The following MMP2 variants were observed in gnomAD, a reference collection of about 807,000 sequenced individuals.
MMP2 encodes the protein matrix metallopeptidase 2, also known as 72 kDa type IV collagenase.
A neutral mutation model predicts 74.8 loss-of-function variants in MMP2; 39 were observed. That is an observed-to-expected ratio of 0.52 (90% CI 0.40 to 0.68). MMP2 has a LOEUF of 0.68. Among genes scored for constraint, MMP2 ranks in the 30% least tolerant of loss-of-function variants. The pLI is 0.00. For synonymous variants in MMP2, 367 were observed against 339.8 expected, an observed-to-expected ratio of 1.08 and a Z score of -0.88; for missense variants, 803 against 878.3, an observed-to-expected ratio of 0.91 and a Z score of 1.08.
Position 55,498,464 on chromosome 16 carries a change from G to A in MMP2, c.1769+16G>A. The A allele has an allele frequency of 6.2e-7, 1 of 1,614,082 alleles. No homozygotes were observed. The highest frequency in any genetic ancestry group is 8.5e-7 in the Non-Finnish European group (1 of 1,179,980). ...AATTCTGGAGGTAAGGGAGGGCGGT[G>A]GGTAGGACAGCAGCACAGTTGGCTG... On this transcript the variant is annotated intron_variant, in intron 11 of 12. Coordinates refer to ENST00000219070, the MANE Select transcript of MMP2 (RefSeq NM_004530.6).
Position 55,486,346 on chromosome 16 carries a change from C to CGTGTGTGT in MMP2, c.832+569_832+570insGTGTGTGT, listed in dbSNP as rs1555491716. Among the ~76,000 whole-genome samples, 66 of 43,786 alleles carry CGTGTGTGT rather than the reference C, an allele frequency of 1.5e-3. 1 individual carries two copies. Among genetic ancestry groups the CGTGTGTGT allele is most frequent in the African/African-American group, 3.5e-3 (54 of 15,286 alleles). 28.7% of individuals were successfully genotyped at this position (43,786 alleles called of 152,430 possible). A position where few individuals can be genotyped will look rare whatever the true frequency, so the allele number is the denominator to read the frequency against. ...GCGTGTGTGTGTGTGTGTGTGTGTG[C>CGTGTGTGT]CTGTGTGTGTGTGTGTGTGTGTGTG... On this transcript the variant is annotated intron_variant, in intron 5 of 12. Coordinates refer to ENST00000219070, the MANE Select transcript of MMP2 (RefSeq NM_004530.6).
chr16:55,488,795 G>C, intron 6 of MMP2, 79 bp downstream of exon 6: 1 of 1,446,858 alleles, frequency 6.9e-7, no homozygotes, highest in South Asian at 1.2e-5. Context: ...GACTCCGAGT[G>C]CCCACCTCCT....
At chr16:55,501,379 G>A (rs1213697404) in intron 11 of MMP2, among the ~76,000 whole-genome samples, 1 of 152,216 alleles carries the variant, frequency 6.6e-6, no homozygotes, top group African/African-American at 2.4e-5. Context: ...TCTGTAAAAT[G>A]GGCTTGACTT....
chr16:55,481,354 A>T (rs1401548563), intron 1 of MMP2, among the ~76,000 whole-genome samples: 2 of 152,058 alleles, frequency 1.3e-5, no homozygotes, highest in Non-Finnish European at 2.9e-5. Flanking sequence ...GGAGTGTCTA[A>T]TGTATTTAAC....
chr16:55,488,768 A>G (rs1418249706), intron 6 of MMP2, 52 bp downstream of exon 6: 2 of 1,303,484 alleles, frequency 1.5e-6, no homozygotes, highest in Non-Finnish European at 2.1e-6. Flanking sequence ...GCTGTCTGAC[A>G]AAAAAAAAAC....
intron 10 of MMP2, among the ~76,000 whole-genome samples, chr16:55,497,528 G>A (rs1055800771): frequency 4.6e-5 from 7 of 152,042 alleles, no homozygotes; most frequent in Admixed American, 6.6e-5. Context: ...GGACAGAAAC[G>A]GATTATTCAG....
chr16:55,499,308 T>C (rs1304131642), intron 11 of MMP2, among the ~76,000 whole-genome samples: 1 of 152,098 alleles, frequency 6.6e-6, no homozygotes, highest in Non-Finnish European at 1.5e-5. Flanking sequence ...TACTATTCTA[T>C]ACCCGAGATG....
At chr16:55,482,687 G>A (rs1433367010) in intron 1 of MMP2, among the ~76,000 whole-genome samples, 3 of 152,206 alleles carry the variant, frequency 2.0e-5, no homozygotes, top group Admixed American at 6.5e-5. Context: ...GCACCAACAA[G>A]TGGTAGCCAT....
At position 55,489,843 on chromosome 16, in the gene MMP2, T is replaced by G. The variant is rs758481115; in HGVS notation, c.1180+19T>G. The G allele has an allele frequency of 6.2e-7, 1 of 1,613,072 alleles. No individual in the cohort carries two copies. Among genetic ancestry groups the G allele is most frequent in the Non-Finnish European group, 8.5e-7 (1 of 1,179,640 alleles). On this transcript the variant is annotated intron_variant, in intron 7 of 12. Coordinates refer to ENST00000219070, the MANE Select transcript of MMP2 (RefSeq NM_004530.6). ...GACCAAGGTACGAGGCCCTGGTCAT[T>G]GGACAGAGACCCTGGACATTGCCCT...
chr16:55,481,870 T>C, intron 1 of MMP2: 1 of 763,446 alleles, frequency 1.3e-6, no homozygotes, highest in Non-Finnish European at 2.4e-6. Flanking sequence ...GGTGCTTACC[T>C]AGCACATGGT....
chr16:55,488,428 T>C (rs1962311012), intron 5 of MMP2, 115 bp from the exon 6 acceptor site: 6 of 1,033,222 alleles, frequency 5.8e-6, no homozygotes, highest in Admixed American at 4.0e-5. Flanking sequence ...GTTTTCTTAA[T>C]ATTTTAACAA....
rs746393458 is a variant in MMP2, at chr16:55,491,811, G to A, written c.1191G>A (p.Leu397=). The A allele has an allele frequency of 6.2e-7, 1 of 1,614,194 alleles. No homozygotes were observed. Among genetic ancestry groups the A allele is most frequent in the South Asian group, 1.1e-5 (1 of 91,090 alleles). Residue 397 remains leucine, a synonymous_variant, in exon 8 of 13, where the codon CTG becomes CTA. Transcript: ENST00000219070. ...WGFCPDQGYS[L]FLVAAHEFGH... ...CCCTGCAACCCTCAGGGTACAGCCT[G>A]TTCCTCGTGGCAGCCCACGAGTTTG...
At chr16:55,481,218 T>C (rs757688562) in intron 1 of MMP2, among the ~76,000 whole-genome samples, 1 of 152,186 alleles carries the variant, frequency 6.6e-6, no homozygotes, top group Non-Finnish European at 1.5e-5. Context: ...AAGGGGTGGA[T>C]TATTTAAGAG....
chr16:55,492,734 A>C (rs1962441509), intron 8 of MMP2, among the ~76,000 whole-genome samples: 1 of 152,098 alleles, frequency 6.6e-6, no homozygotes, highest in South Asian at 2.1e-4. Context: ...CCTCATCTCT[A>C]AAATAATTGC....
At chr16:55,499,634 A>T (rs943825781) in intron 11 of MMP2, among the ~76,000 whole-genome samples, 12 of 152,210 alleles carry the variant, frequency 7.9e-5, no homozygotes, top group African/African-American at 2.9e-4. Context: ...AAACCTCAGG[A>T]GTTTGACTGT....
intron 11 of MMP2, among the ~76,000 whole-genome samples, chr16:55,500,339 A>G (rs1486581600): frequency 6.6e-6 from 1 of 152,110 alleles, no homozygotes; most frequent in Non-Finnish European, 1.5e-5. Flanking sequence ...GACTCACAGA[A>G]ACGTGAATCT....
At chr16:55,486,628 A>T (rs750537793) in intron 5 of MMP2, 1 of 152,160 alleles carries the variant, frequency 6.6e-6, no homozygotes, top group Non-Finnish European at 1.5e-5. Flanking sequence ...TTTTAAAAAT[A>T]TCCTTGACAC....
intron 4 of MMP2, 50 bp from the exon 5 acceptor site, chr16:55,485,554 C>A (rs1454514477): frequency 6.2e-7 from 1 of 1,612,722 alleles, no homozygotes; most frequent in Non-Finnish European, 8.5e-7. Context: ...TCTTGGTCTC[C>A]AAAGAAGGCC....
chr16:55,505,232 TA>T, intron 12 of MMP2, 106 bp from the exon 13 acceptor site: 2 of 976,888 alleles, frequency 2.0e-6, no homozygotes, highest in South Asian at 2.6e-5. Context: ...TCTTCTCGTT[TA>T]AAAGCTTCTT....
Sources: allele counts gnomAD v4.1 joint callset (sites outside exome capture counted in the v4.1 genomes callset), GRCh38; gene constraint gnomAD v4.1.1; transcripts MANE v1.5; gene names NCBI Gene and HGNC (gene_info 2026-07-23, HGNC 2026-07-21).